The following SIPA1L1 variants were observed in gnomAD, a reference collection of about 807,000 sequenced individuals.
SIPA1L1 encodes signal induced proliferation associated 1 like 1.
A neutral mutation model predicts 162.7 loss-of-function variants in SIPA1L1; 26 were observed. That is an observed-to-expected ratio of 0.16 (90% confidence interval 0.12 to 0.22). SIPA1L1 has a LOEUF of 0.22. Ranked by LOEUF, SIPA1L1 falls within the 10% of genes least tolerant of loss-of-function variation. SIPA1L1 has a pLI of 1.00. For missense variants in SIPA1L1, 1,874 were observed against 2,241.0 expected (o/e 0.84, Z 3.31); for synonymous variants, 829 against 837.4 (o/e 0.99, Z 0.17).
chr14:71,446,894 GT>G (rs765106790), intron 2 of SIPA1L1, among the ~76,000 whole-genome samples: 2 of 87,398 alleles, frequency 2.3e-5, no homozygotes, highest in Non-Finnish European at 4.3e-5. Flanking sequence ...GATGGGCTCT[GT>G]TTTTTTTTTT....
At chr14:71,640,374 A>AT (rs1226464649) in intron 7 of SIPA1L1, among the ~76,000 whole-genome samples, 7 of 152,204 alleles carry the variant, frequency 4.6e-5, no homozygotes, top group Non-Finnish European at 1.0e-4. Flanking sequence ...AGAAAAAAAA[A>AT]ATTTGAGAAA....
At chr14:71,642,060 T>G (rs559790457) in intron 7 of SIPA1L1, among the ~76,000 whole-genome samples, 63 of 152,350 alleles carry the variant, frequency 4.1e-4, no homozygotes, top group African/African-American at 1.5e-3. Flanking sequence ...AATTTCTGCT[T>G]CTTGCTAAGA....
chr14:71,629,900 C>T (rs929990738), intron 7 of SIPA1L1, among the ~76,000 whole-genome samples: 1 of 151,992 alleles, frequency 6.6e-6, no homozygotes, highest in Non-Finnish European at 1.5e-5. Flanking sequence ...TAGCACTGAC[C>T]CTTTGATTAA....
At chr14:71,393,943 C>G (rs1463334217) in intron 2 of SIPA1L1, among the ~76,000 whole-genome samples, 1 of 152,202 alleles carries the variant, frequency 6.6e-6, no homozygotes, top group East Asian at 1.9e-4. Context: ...TTGATGTCTA[C>G]TAGAAAGTCA....
At chr14:71,584,283 G>A (rs1354844531) in intron 4 of SIPA1L1, among the ~76,000 whole-genome samples, 2 of 152,124 alleles carry the variant, frequency 1.3e-5, no homozygotes, top group African/African-American at 4.8e-5. Context: ...GAATGACAAG[G>A]GATTTTTGGC....
chr14:71,605,735 G>A (rs1463604391), intron 5 of SIPA1L1, among the ~76,000 whole-genome samples: 2 of 152,186 alleles, frequency 1.3e-5, no homozygotes, highest in East Asian at 3.8e-4. Context: ...TAGGAGGTGG[G>A]CCAATCGTCG....
At chr14:71,424,800 CCCT>C (rs764027778) in intron 2 of SIPA1L1, among the ~76,000 whole-genome samples, 8 of 152,012 alleles carry the variant, frequency 5.3e-5, no homozygotes, top group Non-Finnish European at 1.0e-4. Context: ...AAGAAGTGTT[CCCT>C]CCTCTTCAAT....
At chr14:71,714,311 C>T (rs1449431085) in intron 17 of SIPA1L1, among the ~76,000 whole-genome samples, 1 of 152,122 alleles carries the variant, frequency 6.6e-6, no homozygotes, top group Non-Finnish European at 1.5e-5. Context: ...GAAAATGAGC[C>T]CTCTGTCAAG....
intron 6 of SIPA1L1, among the ~76,000 whole-genome samples, chr14:71,619,290 A>G (rs1156758242): frequency 6.6e-6 from 1 of 152,154 alleles, no homozygotes; most frequent in African/African-American, 2.4e-5. Context: ...CACTCTTCCA[A>G]GCTCTTGCTG....
chr14:71,506,123 T>C (rs888028933), intron 2 of SIPA1L1, among the ~76,000 whole-genome samples: 19 of 152,154 alleles, frequency 1.2e-4, no homozygotes, highest in Admixed American at 3.9e-4. Context: ...TATTGTCACA[T>C]GAAAGAACAA....
intron 2 of SIPA1L1, among the ~76,000 whole-genome samples, chr14:71,331,374 C>T (rs879149453): frequency 6.6e-6 from 1 of 152,138 alleles, no homozygotes; most frequent in Admixed American, 6.5e-5. Context: ...AAAGAAGTGA[C>T]ATTAAACAAT....
intron 13 of SIPA1L1, among the ~76,000 whole-genome samples, chr14:71,686,906 G>T (rs2080909140): frequency 6.6e-6 from 1 of 152,190 alleles, no homozygotes; most frequent in Non-Finnish European, 1.5e-5. Flanking sequence ...CAAGAACCAG[G>T]TCTGGCAGGA....
At chr14:71,529,411 C>A in intron 4 of SIPA1L1, 41 bp downstream of exon 4, 1 of 583,870 alleles carries the variant, frequency 1.7e-6, no homozygotes, top group Non-Finnish European at 3.1e-6. Flanking sequence ...ACCTGCTTTA[C>A]AAAGTGTTGA....
rs78023255 is a variant in SIPA1L1 at position 71,487,481 on chromosome 14, A to C, written c.-464-25262A>C. ...ACTTCTCTGCTTTTCTCAGTGATAA[A>C]TTCTTGGAGGGCAGTTGCTATGGTG... On this transcript the variant is annotated intron_variant, in intron 2 of 23. Coordinates refer to ENST00000381232, the MANE Select transcript of SIPA1L1 (RefSeq NM_001386936.1). Among the ~76,000 whole-genome samples, 34 of 152,308 alleles carry C rather than the reference A, an allele frequency of 2.2e-4. 1 individual carries two copies. The East Asian group carries it at 6.2e-3, about 28-fold the overall frequency.
intron 7 of SIPA1L1, 122 bp from the exon 8 acceptor site, chr14:71,650,213 T>C (rs550287729): frequency 9.1e-6 from 9 of 988,694 alleles, no homozygotes; most frequent in African/African-American, 1.6e-5. Context: ...TACAGAAGGA[T>C]TTCAAGAGAA....
At position 71,685,347 on chromosome 14, in the gene SIPA1L1, C is replaced by A; in HGVS notation, c.3105-15C>A. 2 of 1,613,186 alleles carry A rather than the reference C, an allele frequency of 1.2e-6. No individual in the cohort carries two copies. The highest frequency in any genetic ancestry group is 1.7e-6 in the Non-Finnish European group (2 of 1,179,288). ...AGTATCCATTGTGTTTCTCCCTGTGCCTTGCCCCTAATAGGAGTTGCTCTG... is the reference window on the plus strand; with the variant it reads ...AGTATCCATTGTGTTTCTCCCTGTGACTTGCCCCTAATAGGAGTTGCTCTG... On this transcript the variant is annotated splice_polypyrimidine_tract_variant and intron_variant, in intron 12 of 23. Transcript: ENST00000381232.
At chr14:71,471,061 C>T (rs565579364) in intron 2 of SIPA1L1, among the ~76,000 whole-genome samples, 50 of 152,296 alleles carry the variant, frequency 3.3e-4, no homozygotes, top group African/African-American at 1.2e-3. Context: ...AGGATGGTCT[C>T]TATCTCCTGC....
At chr14:71,349,991 T>G (rs1202543795) in intron 2 of SIPA1L1, among the ~76,000 whole-genome samples, 1 of 152,056 alleles carries the variant, frequency 6.6e-6, no homozygotes, top group Non-Finnish European at 1.5e-5. Flanking sequence ...CTGAAGAGAC[T>G]AAGGGAAAAT....
chr14:71,543,859 TATATC>T (rs745592525), intron 4 of SIPA1L1, among the ~76,000 whole-genome samples: 3 of 144,302 alleles, frequency 2.1e-5, no homozygotes, highest in Non-Finnish European at 4.5e-5. Flanking sequence ...TATATATACA[TATATC>T]ATACGTATGT....
Sources: gnomAD v4.1 joint callset for allele counts (sites outside exome capture counted in the v4.1 genomes callset) on GRCh38, gnomAD v4.1.1 for gene constraint, MANE v1.5 for transcripts, NCBI Gene and HGNC (gene_info 2026-07-23, HGNC 2026-07-21) for gene names.